Variants in SLC25A12 observed in about 807,000 individuals in gnomAD.
The protein encoded by SLC25A12 is electrogenic aspartate/glutamate antiporter SLC25A12, mitochondrial.
A neutral mutation model predicts 83.3 loss-of-function variants in SLC25A12; 32 were observed. That is an observed-to-expected ratio of 0.38 (90% CI 0.29 to 0.52). The LOEUF is 0.52. Ranked by LOEUF, SLC25A12 falls within the 20% of genes least tolerant of loss-of-function variation. The pLI is 0.84. For missense variants in SLC25A12, 611 were observed against 835.6 expected (o/e 0.73, Z 3.31); for synonymous variants, 267 against 291.1 (o/e 0.92, Z 0.84).
intron 2 of SLC25A12, among the ~76,000 whole-genome samples, chr2:171,887,090 C>T (rs1002039220): frequency 6.6e-6 from 1 of 152,238 alleles, no homozygotes; most frequent in Non-Finnish European, 1.5e-5. Context: ...CTGCTTTATT[C>T]CCTTCTCAGC....
chr2:171,790,259 C>T (rs1022466220), intron 15 of SLC25A12, among the ~76,000 whole-genome samples: 1 of 152,206 alleles, frequency 6.6e-6, no homozygotes, highest in Non-Finnish European at 1.5e-5. Flanking sequence ...AAGAGCAACA[C>T]AGTGAACATA....
chr2:171,823,948 A>C (rs906869280), intron 9 of SLC25A12, among the ~76,000 whole-genome samples: 1 of 152,052 alleles, frequency 6.6e-6, no homozygotes, highest in Non-Finnish European at 1.5e-5. Context: ...CTCCACAAAA[A>C]AAAAAAAAAA....
chr2:171,848,422 A>G, intron 4 of SLC25A12: 1 of 379,472 alleles, frequency 2.6e-6, no homozygotes, highest in Non-Finnish European at 5.4e-6. Context: ...GTCAGGGGGA[A>G]AAGTTCCTCA....
chr2:171,867,121 C>T lies in SLC25A12; in HGVS notation c.209+1560G>A, dbSNP rs1248739412. On this transcript the variant is annotated intron_variant, in intron 3 of 17. Coordinates refer to ENST00000422440, the MANE Select transcript of SLC25A12 (RefSeq NM_003705.5). ...CTCACTTCCTAGATGGGATGGCGGC[C>T]GGGCAGAGACGCTCCTCACTTTCCA... Among the ~76,000 whole-genome samples the T allele has an allele frequency of 2.3e-4, 33 of 145,548 alleles. No homozygotes were observed. In the South Asian group the frequency reaches 3.1e-3, roughly 13 times the overall value.
intron 17 of SLC25A12, among the ~76,000 whole-genome samples, chr2:171,787,327 T>TA (rs1690507791): frequency 1.3e-5 from 2 of 152,168 alleles, no homozygotes; most frequent in Admixed American, 1.3e-4. Context: ...CTGTCTTTTT[T>TA]AAAAAAATTT....
chr2:171,826,394 G>A (rs1684300510), intron 9 of SLC25A12, among the ~76,000 whole-genome samples: 1 of 152,170 alleles, frequency 6.6e-6, no homozygotes, highest in South Asian at 2.1e-4. Context: ...GATCACCTGA[G>A]GTCACGAGTT....
intron 13 of SLC25A12, among the ~76,000 whole-genome samples, chr2:171,799,690 A>G (rs371016028): frequency 1.3e-5 from 2 of 152,228 alleles, no homozygotes; most frequent in Admixed American, 1.3e-4. Flanking sequence ...TGCATTCGGC[A>G]TAACCATTCC....
At position 171,834,727 on chromosome 2, in the gene SLC25A12, C is replaced by G; in HGVS notation, c.751G>C (p.Glu251Gln). The change falls in exon 7 of 18, where the codon GAG (glutamate) becomes CAG (glutamine). Residue 251 changes from glutamate to glutamine, a missense_variant and splice_region_variant. Transcript: ENST00000422440. Reference protein sequence around the residue: ...GTRKDVEVTKEEFAQSAIRYG... With the variant: ...GTRKDVEVTKQEFAQSAIRYG... ...ATTTATGTATATTTTAAAATCTTAC[C>G]CTTTGTGACTTCAACATCTTTCCTT... is the stretch of plus-strand genomic sequence containing the variant. 1 of 1,612,996 alleles carries G rather than the reference C, an allele frequency of 6.2e-7. No individual in the cohort carries two copies. The highest frequency in any genetic ancestry group is 8.5e-7 in the Non-Finnish European group (1 of 1,179,836).
chr2:171,871,030 G>T (rs183911674), intron 2 of SLC25A12, among the ~76,000 whole-genome samples: 1 of 152,094 alleles, frequency 6.6e-6, no homozygotes, highest in African/African-American at 2.4e-5. Flanking sequence ...GGAGAGACCA[G>T]GTCTCTACAA....
intron 13 of SLC25A12, among the ~76,000 whole-genome samples, chr2:171,796,793 T>C (rs1683606036): frequency 6.6e-6 from 1 of 152,196 alleles, no homozygotes; most frequent in Admixed American, 6.5e-5. Context: ...ACGTAATAAT[T>C]TGTCTAAAAC....
chr2:171,827,893 C>T (rs12692976), intron 8 of SLC25A12, among the ~76,000 whole-genome samples: 1 of 151,670 alleles, frequency 6.6e-6, no homozygotes, highest in African/African-American at 2.4e-5. Context: ...CCTTCATTTG[C>T]GGGCACAGGC....
intron 6 of SLC25A12, among the ~76,000 whole-genome samples, chr2:171,835,119 G>C: frequency 6.6e-6 from 1 of 152,060 alleles, no homozygotes; most frequent in East Asian, 1.9e-4. Context: ...CTACCTATAA[G>C]GTCAAAAACA....
rs139736427 is a variant in SLC25A12, at chr2:171,795,253, G to A, written c.1306-1486C>T. Among the ~76,000 whole-genome samples the A allele has an allele frequency of 4.0e-3, 605 of 152,192 alleles. 2 individuals are homozygous for A. The highest frequency in any genetic ancestry group is 6.0e-3 in the Non-Finnish European group (407 of 68,024). On this transcript the variant is annotated intron_variant, in intron 13 of 17. Transcript: ENST00000422440. Reference sequence around the variant, plus strand: ...TAACTCCTCAACTCGACACAATCCAGACCACTGGCACACAGGTCCCCCAAC... The same window carrying A: ...TAACTCCTCAACTCGACACAATCCAAACCACTGGCACACAGGTCCCCCAAC...
At chr2:171,807,275 A>G (rs1683853307) in intron 13 of SLC25A12, among the ~76,000 whole-genome samples, 1 of 152,188 alleles carries the variant, frequency 6.6e-6, no homozygotes, top group Admixed American at 6.5e-5. Flanking sequence ...CCCACTAGAC[A>G]ATCCATCAAA....
chr2:171,798,811 A>G (rs1683652381), intron 13 of SLC25A12, among the ~76,000 whole-genome samples: 1 of 152,250 alleles, frequency 6.6e-6, no homozygotes, highest in Non-Finnish European at 1.5e-5. Flanking sequence ...AATTAACACT[A>G]CATATACTCC....
chr2:171,874,577 C>A (rs1319044047), intron 2 of SLC25A12, among the ~76,000 whole-genome samples: 8 of 152,296 alleles, frequency 5.3e-5, no homozygotes, highest in Non-Finnish European at 1.2e-4. Flanking sequence ...CTTTTTGCCA[C>A]AGAGGTGTCT....
At chr2:171,793,350 C>T (rs1683529094) in intron 14 of SLC25A12, among the ~76,000 whole-genome samples, 1 of 152,066 alleles carries the variant, frequency 6.6e-6, no homozygotes, top group African/African-American at 2.4e-5. Flanking sequence ...TTTTCCCAAG[C>T]CCCCCAGCAA....
At chr2:171,883,200 A>G (rs936665266) in intron 2 of SLC25A12, among the ~76,000 whole-genome samples, 2 of 152,220 alleles carry the variant, frequency 1.3e-5, no homozygotes, top group African/African-American at 2.4e-5. Context: ...AAACATCCTA[A>G]TCTCAACTTA....
chr2:171,855,886 G>C lies in SLC25A12; in HGVS notation c.273C>G (p.Phe91Leu). Residue 91 changes from phenylalanine to leucine, a missense_variant, in exon 4 of 18, where the codon TTC becomes TTG. This residue lies in a region of SLC25A12 where 540 missense variants were observed against 777.5 expected (regional missense o/e 0.69). Transcript: ENST00000422440. The stretch of plus-strand genomic sequence containing the variant: ...TGTCAAACAACTGGAAAGCCACTAT[G>C]AACATGGAATCTGGAGCACATAAAA... ...ESVLCAPDSM[F>L]IVAFQLFDKS... 1 of 1,613,624 alleles carries C rather than the reference G, an allele frequency of 6.2e-7. No individual in the cohort carries two copies.
Sources: allele counts gnomAD v4.1 joint callset (sites outside exome capture counted in the v4.1 genomes callset), GRCh38; gene constraint gnomAD v4.1.1; regional missense constraint gnomAD v4.1.1; transcripts MANE v1.5; gene names NCBI Gene and HGNC (gene_info 2026-07-23, HGNC 2026-07-21).